The following PGM5 variants were observed in gnomAD, a reference collection of about 807,000 sequenced individuals.
PGM5 encodes the protein phosphoglucomutase 5.
In PGM5, 23 loss-of-function variants were observed where a neutral mutation model predicts 59.2. That is an observed-to-expected ratio of 0.39 (90% CI 0.28 to 0.55). The LOEUF is 0.55. Among genes scored for constraint, PGM5 ranks in the 20% least tolerant of loss-of-function variants. The probability of loss-of-function intolerance (pLI) is 0.66; values close to 1 mark genes in which losing one functional copy is unlikely to be tolerated. For missense variants in PGM5, 574 were observed against 748.3 expected, an observed-to-expected ratio of 0.77 and a Z score of 2.72; for synonymous variants, 214 against 286.0, an observed-to-expected ratio of 0.75 and a Z score of 2.54.
At chr9:68,397,105 A>T (rs1332585131) in intron 6 of PGM5, 1 of 152,806 alleles carries the variant, frequency 6.5e-6, no homozygotes, top group African/African-American at 2.4e-5. Flanking sequence ...AGCCTTGAAA[A>T]TGGCATTCTT....
chr9:68,511,782 C>T (rs781974285), intron 10 of PGM5, among the ~76,000 whole-genome samples: 5 of 151,910 alleles, frequency 3.3e-5, no homozygotes, highest in Non-Finnish European at 7.4e-5. Context: ...GGTATTGACT[C>T]ATTTTCTTAT....
intron 6 of PGM5, among the ~76,000 whole-genome samples, chr9:68,458,962 C>T (rs990126638): frequency 7.9e-5 from 12 of 152,256 alleles, no homozygotes; most frequent in Admixed American, 2.0e-4. Context: ...CATACAGCAG[C>T]CCCAGCCAGC....
chr9:68,382,134 G>A (rs1280474408), intron 2 of PGM5, among the ~76,000 whole-genome samples: 4 of 151,588 alleles, frequency 2.6e-5, no homozygotes, highest in Non-Finnish European at 4.4e-5. Flanking sequence ...CAAAGCTAAA[G>A]TAAAACCAAA....
chr9:68,517,764 G>A (rs1449866214), intron 10 of PGM5, among the ~76,000 whole-genome samples: 1 of 152,216 alleles, frequency 6.6e-6, no homozygotes, highest in African/African-American at 2.4e-5. Context: ...ACTTTTAGTA[G>A]TGGTGGACTA....
chr9:68,458,849 T>C (rs1823817168), intron 6 of PGM5, among the ~76,000 whole-genome samples: 1 of 152,214 alleles, frequency 6.6e-6, no homozygotes, highest in South Asian at 2.1e-4. Context: ...TTAAGATTGC[T>C]ATTAGAAAAC....
chr9:68,440,632 A>G (rs1016152195), intron 6 of PGM5, among the ~76,000 whole-genome samples: 3 of 152,162 alleles, frequency 2.0e-5, no homozygotes, highest in Admixed American at 6.5e-5. Context: ...AATTAAAATG[A>G]AAATACATCA....
In PGM5 at chr9:68,357,186, G is replaced by A; in HGVS notation, c.59G>A (p.Arg20Gln). 6.5e-7 allele frequency: 1 copy of A among 1,539,402 alleles called. No homozygotes were observed. Among genetic ancestry groups the A allele is most frequent in the Non-Finnish European group, 8.7e-7 (1 of 1,145,714 alleles). Residue 20 changes from arginine (R) to glutamine (Q), a missense_variant, in exon 1 of 11, where the codon CGG (arginine) becomes CAG (glutamine). Coordinates refer to ENST00000396396, the MANE Select transcript of PGM5 (RefSeq NM_021965.4). The part of the protein sequence containing the change: ...TVPTAPYEDQ[R>Q]PAGGGGLRRP... ...CCCACCGCGCCCTACGAGGACCAGC[G>A]GCCGGCCGGCGGCGGGGGTCTGCGG...
chr9:68,426,894 T>G (rs1259219267), intron 6 of PGM5: 3 of 152,206 alleles, frequency 2.0e-5, no homozygotes, highest in Admixed American at 6.5e-5. Flanking sequence ...GCAAGGCCCT[T>G]CAGGACAAGA....
chr9:68,377,856 C>T (rs1384419833), intron 1 of PGM5, among the ~76,000 whole-genome samples: 1 of 152,158 alleles, frequency 6.6e-6, no homozygotes, highest in African/African-American at 2.4e-5. Flanking sequence ...TGTCCACATG[C>T]ATAGTTTCTG....
At chr9:68,482,528 T>A (rs1824214766) in intron 8 of PGM5, among the ~76,000 whole-genome samples, 2 of 152,216 alleles carry the variant, frequency 1.3e-5, no homozygotes, top group South Asian at 4.1e-4. Flanking sequence ...AATATGCTGA[T>A]GTTTACTGGA....
intron 7 of PGM5, among the ~76,000 whole-genome samples, chr9:68,470,895 T>C (rs1312134260): frequency 6.6e-6 from 1 of 152,158 alleles, no homozygotes; most frequent in Non-Finnish European, 1.5e-5. Context: ...AGCACAGAGG[T>C]GCTATGATTG....
intron 8 of PGM5, 72 bp from the exon 9 acceptor site, chr9:68,483,793 A>T: frequency 7.3e-7 from 1 of 1,372,486 alleles, no homozygotes; most frequent in Non-Finnish European, 1.0e-6. Flanking sequence ...ACCAATGATT[A>T]AATAACTGTA....
chr9:68,512,256 G>A (rs1168019999), intron 10 of PGM5, among the ~76,000 whole-genome samples: 1 of 152,262 alleles, frequency 6.6e-6, no homozygotes, highest in Non-Finnish European at 1.5e-5. Flanking sequence ...TGACTAGCCA[G>A]GAGGCATGTG....
At chr9:68,422,216 C>T (rs1158223959) in intron 6 of PGM5, among the ~76,000 whole-genome samples, 1 of 151,912 alleles carries the variant, frequency 6.6e-6, no homozygotes, top group Non-Finnish European at 1.5e-5. Flanking sequence ...ATTTATTGAC[C>T]TGAAAAAACA....
intron 10 of PGM5, among the ~76,000 whole-genome samples, chr9:68,529,093 C>T (rs1382401785): frequency 1.3e-5 from 2 of 151,514 alleles, no homozygotes; most frequent in Non-Finnish European, 2.9e-5. Flanking sequence ...ATTGGTCTGT[C>T]ATTTCAGAAA....
At chr9:68,498,581 C>T (rs1476768818) in intron 9 of PGM5, 4 of 152,264 alleles carry the variant, frequency 2.6e-5, no homozygotes, top group African/African-American at 9.7e-5. Context: ...AAGGCATAGA[C>T]CTGTCTCCTA....
At chr9:68,426,142 G>A (rs1554682681) in intron 6 of PGM5, among the ~76,000 whole-genome samples, 1 of 151,932 alleles carries the variant, frequency 6.6e-6, no homozygotes, top group Non-Finnish European at 1.5e-5. Context: ...ATTCCCCAGA[G>A]GCAGAGAGTA....
intron 9 of PGM5, among the ~76,000 whole-genome samples, chr9:68,494,685 G>T (rs1352671411): frequency 6.6e-6 from 1 of 152,228 alleles, no homozygotes; most frequent in Non-Finnish European, 1.5e-5. Context: ...CTGGGGACAA[G>T]AACCTACCAT....
intron 9 of PGM5, among the ~76,000 whole-genome samples, chr9:68,486,114 C>T (rs553166917): frequency 1.3e-4 from 20 of 152,256 alleles, no homozygotes; most frequent in African/African-American, 4.8e-4. Flanking sequence ...CTATAGACAT[C>T]TGAAAGACAT....
Sources: gnomAD v4.1 joint callset for allele counts (sites outside exome capture counted in the v4.1 genomes callset) on GRCh38, gnomAD v4.1.1 for gene constraint, MANE v1.5 for transcripts, NCBI Gene and HGNC (gene_info 2026-07-23, HGNC 2026-07-21) for gene names.